The following FANCA variants were observed in gnomAD, a reference collection of about 807,000 sequenced individuals.
FANCA encodes the protein FA complementation group A, also known as Fanconi anemia group A protein.
In FANCA, 236 loss-of-function variants were observed where a neutral mutation model predicts 194.3. The ratio of observed to expected loss-of-function variants is 1.21; its 90% confidence interval spans 1.09 to 1.35. The LOEUF (loss-of-function observed/expected upper bound fraction) is 1.35, where lower values mean the gene tolerates loss of function less well. Among genes scored for constraint, FANCA ranks in the 40% most tolerant of loss-of-function variants. FANCA has a pLI of 0.00. For synonymous variants in FANCA, 1,014 were observed against 715.8 expected (o/e 1.42, Z -6.65); for missense variants, 2,628 against 1,813.9 (o/e 1.45, Z -8.15).
intron 33 of FANCA, among the ~76,000 whole-genome samples, chr16:89,748,307 CT>C (rs17233525): frequency 0.13 from 19,265 of 152,142 alleles, 1,493 homozygotes; most frequent in East Asian, 0.22. Context: ...CACCACAAGG[CT>C]TTTTTTACAC....
At chr16:89,811,672 G>C (rs2040885563) in intron 3 of FANCA, among the ~76,000 whole-genome samples, 1 of 152,114 alleles carries the variant, frequency 6.6e-6, no homozygotes, top group Non-Finnish European at 1.5e-5. Context: ...TGGGCAACCT[G>C]GAAGCAGGCA....
intron 5 of FANCA, among the ~76,000 whole-genome samples, chr16:89,809,866 AG>A (rs1239049235): frequency 2.0e-5 from 3 of 150,934 alleles, no homozygotes; most frequent in African/African-American, 7.3e-5. Flanking sequence ...AAAAAAAAAA[AG>A]ATACAAAAAT....
intron 32 of FANCA, 113 bp from the exon 33 acceptor site, chr16:89,748,880 G>T: frequency 1.2e-6 from 1 of 837,540 alleles, no homozygotes; most frequent in Non-Finnish European, 2.0e-6. Flanking sequence ...GGCCACTGTT[G>T]GAACCAGAGC....
chr16:89,808,460 A>C (rs2040750707), intron 5 of FANCA, 93 bp from the exon 6 acceptor site: 2 of 1,314,504 alleles, frequency 1.5e-6, no homozygotes, highest in Non-Finnish European at 2.2e-6. Context: ...AAAATGTTCA[A>C]CTTAGGTTCT....
chr16:89,740,090 C>T lies in FANCA; in HGVS notation c.3838G>A (p.Asp1280Asn), dbSNP rs914045767. 5.6e-6 allele frequency: 9 copies of T among 1,613,994 alleles called. No homozygotes were observed. Among genetic ancestry groups the T allele is most frequent in the Non-Finnish European group, 7.6e-6 (9 of 1,180,024 alleles). The change falls in exon 39 of 43, where the codon GAC becomes AAC. Residue 1280 changes from aspartate (D) to asparagine (N), a missense_variant. Physicochemically the swap from Asp to Asn is conservative, Grantham distance 23 (BLOSUM62 1). Coordinates refer to ENST00000389301, the MANE Select transcript of FANCA (RefSeq NM_000135.4). ...CAAACGTGGAAAGCCTTTGGCAGGT[C>T]TGTGGTGCTCTGTAAACCGCAGGAG... is the stretch of plus-strand genomic sequence containing the variant. ...SSHLTSNSTT[D>N]LPKAFHVCAA...
intron 26 of FANCA, among the ~76,000 whole-genome samples, chr16:89,769,411 C>G (rs577384756): frequency 1.3e-5 from 2 of 152,248 alleles, no homozygotes; most frequent in African/African-American, 4.8e-5. Context: ...AGCACATGGC[C>G]CCATCTGCTG....
chr16:89,745,043 A>G lies in FANCA; in HGVS notation c.3542T>C (p.Leu1181Pro), dbSNP rs1300778675. Residue 1181 changes from leucine (L) to proline (P), a missense_variant, in exon 36 of 43, where the codon CTG (leucine) becomes CCG (proline). Transcript: ENST00000389301. ...GCAGTGTCTCCTCCACCGGCAGAGCAGCACAGGCTCCAGGCTCGGCCACCA... is the reference window on the plus strand; with the variant it reads ...GCAGTGTCTCCTCCACCGGCAGAGCGGCACAGGCTCCAGGCTCGGCCACCA... ...LVWWPSLEPV[L>P]LCRWRRHCQS... The G allele has an allele frequency of 3.1e-6, 5 of 1,609,352 alleles. No individual in the cohort carries two copies. Among genetic ancestry groups the G allele is most frequent in the Non-Finnish European group, 4.2e-6 (5 of 1,179,680 alleles).
chr16:89,739,262 C>T lies in FANCA; in HGVS notation c.4038G>A (p.Ala1346=), dbSNP rs755479861. The change falls in exon 41 of 43, where the codon GCG becomes GCA. Residue 1346 remains alanine, a synonymous_variant. Coordinates refer to ENST00000389301, the MANE Select transcript of FANCA (RefSeq NM_000135.4). ...GCAGGAAGGCCTCTTCCCTGATGGC[C>T]GCGTCTTCATGGAAGTAGGAGAGAA... ...YSLLSYFHED[A]AIREEAFLHV... The T allele has an allele frequency of 4.0e-5, 65 of 1,614,042 alleles. No homozygotes were observed. The highest frequency in any genetic ancestry group is 6.7e-5 in the Admixed American group (4 of 60,006).
rs1045404649 is a variant in FANCA at position 89,792,481 on chromosome 16, A to C, written c.1073T>G (p.Leu358Arg). The change falls in exon 12 of 43, where the codon CTG becomes CGG. Residue 358 changes from leucine to arginine, a missense_variant. Physicochemically the swap from Leu to Arg is moderately radical, Grantham distance 102 (BLOSUM62 -2). Transcript: ENST00000389301. ...ACCACATCCACTCACCCTGCGGTACAGTGAGGTGAGCAGAGGGTGTGTCCG... is the reference window on the plus strand; with the variant it reads ...ACCACATCCACTCACCCTGCGGTACCGTGAGGTGAGCAGAGGGTGTGTCCG... Reference protein sequence around the residue: ...FARTHPLLTSLYRRLFVMLSA... With the variant: ...FARTHPLLTSRYRRLFVMLSA... 6.2e-7 allele frequency: 1 copy of C among 1,613,214 alleles called. No homozygotes were observed. The highest frequency in any genetic ancestry group is 8.5e-7 in the Non-Finnish European group (1 of 1,179,928).
At chr16:89,815,763 G>A (rs1728023760) in intron 2 of FANCA, 114 bp downstream of exon 2, 2 of 874,348 alleles carry the variant, frequency 2.3e-6, no homozygotes, top group Non-Finnish European at 3.9e-6. Flanking sequence ...CCCTCTGCGG[G>A]CCAGGCCACC....
chr16:89,771,155 C>CAAAAAAAAAAAA (rs34471552), intron 23 of FANCA, among the ~76,000 whole-genome samples: 22 of 56,634 alleles, frequency 3.9e-4, no homozygotes, highest in African/African-American at 1.5e-3. Context: ...AAGACTCAGT[C>CAAAAAAAAAAAA]AAAAAAAAAA....
chr16:89,744,544 A>G (rs2143081781), intron 36 of FANCA: 2 of 326,720 alleles, frequency 6.1e-6, no homozygotes, highest in Non-Finnish European at 1.2e-5. Flanking sequence ...GGTGCACTCT[A>G]GGAGCCCACA....
At chr16:89,810,888 G>T (rs776552850) in intron 4 of FANCA, 41 bp downstream of exon 4, 3 of 1,614,084 alleles carry the variant, frequency 1.9e-6, no homozygotes, top group Non-Finnish European at 2.5e-6. Flanking sequence ...CAGCTTAAAA[G>T]TAACAACGGG....
At chr16:89,779,824 G>A (rs2143431676) in intron 18 of FANCA, 45 bp downstream of exon 18, 2 of 1,537,650 alleles carry the variant, frequency 1.3e-6, no homozygotes, top group Non-Finnish European at 1.8e-6. Context: ...AGCGCGGTCT[G>A]CACACACTGC....
At position 89,769,924 on chromosome 16, in the gene FANCA, G is replaced by A. The variant is rs1352100383; in HGVS notation, c.2417C>T (p.Pro806Leu). The A allele has an allele frequency of 1.9e-6, 3 of 1,613,984 alleles. No individual in the cohort carries two copies. The highest frequency in any genetic ancestry group is 1.3e-5 in the African/African-American group (1 of 74,924). The change falls in exon 26 of 43, where the codon CCT becomes CTT. Residue 806 changes from proline (P) to leucine (L), a missense_variant. Coordinates refer to ENST00000389301, the MANE Select transcript of FANCA (RefSeq NM_000135.4). ...SALPEVDVGP[P>L]APGAGLPVPA... ...GACAGGAAGGCCAGCACCAGGTGCA[G>A]GAGGACCCACATCCACCTCTGGGAG...
chr16:89,799,617 T>C lies in FANCA; in HGVS notation c.814A>G (p.Arg272Gly). ...GCAATTAACTTACAAATCAGCATTC[T>C]CTGCAGTACATCAACCGTGACCTGT... is the stretch of plus-strand genomic sequence containing the variant. ...MPQVTVDVLQ[R>G]MLIFALDALA... Residue 272 changes from arginine (R) to glycine (G), a missense_variant, in exon 9 of 43, where the codon AGA (arginine) becomes GGA (glycine). By Grantham distance (125) the Arg-to-Gly change is moderately radical. Coordinates refer to ENST00000389301, the MANE Select transcript of FANCA (RefSeq NM_000135.4). 1.2e-6 allele frequency: 2 copies of C among 1,613,756 alleles called. No homozygotes were observed. Among genetic ancestry groups the C allele is most frequent in the Non-Finnish European group, 1.7e-6 (2 of 1,179,632 alleles).
At chr16:89,744,521 C>G (rs1447635550) in intron 36 of FANCA, among the ~76,000 whole-genome samples, 1 of 152,014 alleles carries the variant, frequency 6.6e-6, no homozygotes, top group East Asian at 1.9e-4. Flanking sequence ...TGACACTGAC[C>G]CTACCAGCAC....
intron 20 of FANCA, among the ~76,000 whole-genome samples, chr16:89,778,142 A>C (rs2039573814): frequency 7.1e-6 from 1 of 140,024 alleles, no homozygotes; most frequent in Non-Finnish European, 1.5e-5. Flanking sequence ...AGCCTGGGCA[A>C]CAGAGTGAGA....
intron 20 of FANCA, chr16:89,778,483 A>G: frequency 3.0e-6 from 1 of 331,808 alleles, no homozygotes; most frequent in South Asian, 2.6e-5. Flanking sequence ...AAAAAAAAAA[A>G]AACTTAGCCA....
Sources: gnomAD v4.1 joint callset for allele counts (sites outside exome capture counted in the v4.1 genomes callset) on GRCh38, gnomAD v4.1.1 for gene constraint, MANE v1.5 for transcripts, NCBI Gene and HGNC (gene_info 2026-07-23, HGNC 2026-07-21) for gene names.